The following NRXN3 variants were observed in gnomAD, a reference collection of about 807,000 sequenced individuals.
NRXN3 encodes neurexin 3, also known as neurexin III.
A neutral mutation model predicts 137.6 loss-of-function variants in NRXN3; 32 were observed. The ratio of observed to expected loss-of-function variants is 0.23; its 90% CI spans 0.18 to 0.31. The LOEUF is 0.31. NRXN3 is among the 10% of genes least tolerant of loss of function. The pLI, the probability that NRXN3 is intolerant of heterozygous loss-of-function variation, is 1.00. For synonymous variants in NRXN3, 798 were observed against 784.5 expected (o/e 1.02, Z -0.29); for missense variants, 1,574 against 2,062.5 (o/e 0.76, Z 4.59).
intron 4 of NRXN3, among the ~76,000 whole-genome samples, chr14:78,489,311 T>C (rs897080650): frequency 1.3e-5 from 2 of 152,138 alleles, no homozygotes; most frequent in African/African-American, 4.8e-5. Context: ...CACGCCTCTG[T>C]GAGATATTAT....
At chr14:78,776,106 T>C (rs2153010428) in intron 8 of NRXN3, among the ~76,000 whole-genome samples, 1 of 152,346 alleles carries the variant, frequency 6.6e-6, no homozygotes, top group Non-Finnish European at 1.5e-5. Flanking sequence ...CAAGCCACTG[T>C]GTAAAATATA....
At chr14:79,220,182 GC>G (rs1242328091) in intron 15 of NRXN3, among the ~76,000 whole-genome samples, 1 of 152,106 alleles carries the variant, frequency 6.6e-6, no homozygotes, top group Non-Finnish European at 1.5e-5. Flanking sequence ...AAAGACTATT[GC>G]CTACATCAGA....
At chr14:79,716,067 C>T (rs937747142) in intron 19 of NRXN3, among the ~76,000 whole-genome samples, 1 of 152,178 alleles carries the variant, frequency 6.6e-6, no homozygotes, top group South Asian at 2.1e-4. Flanking sequence ...TATTATGACT[C>T]ATGACAAAGG....
At chr14:79,333,113 C>T (rs973995953) in intron 15 of NRXN3, among the ~76,000 whole-genome samples, 6 of 151,898 alleles carry the variant, frequency 4.0e-5, no homozygotes, top group Non-Finnish European at 5.9e-5. Flanking sequence ...GAAAGCATTT[C>T]TTTGGTAATT....
At chr14:78,983,044 A>T (rs1000953040) in intron 14 of NRXN3, among the ~76,000 whole-genome samples, 3 of 152,190 alleles carry the variant, frequency 2.0e-5, no homozygotes, top group African/African-American at 4.8e-5. Flanking sequence ...AATGCTCAAC[A>T]TCACTCATCT....
intron 4 of NRXN3, among the ~76,000 whole-genome samples, chr14:78,454,049 G>A (rs1229429933): frequency 1.3e-5 from 2 of 152,152 alleles, no homozygotes; most frequent in African/African-American, 4.8e-5. Flanking sequence ...AGATAATTAA[G>A]AGCTTATGTC....
intron 7 of NRXN3, among the ~76,000 whole-genome samples, chr14:78,711,432 CTCTTTT>C (rs1279579830): frequency 2.9e-5 from 3 of 103,190 alleles, no homozygotes; most frequent in Non-Finnish European, 3.6e-5. Flanking sequence ...TAATTCTTTT[CTCTTTT>C]TTTTTTTTTT....
At chr14:78,655,430 GA>G (rs1289305675) in intron 6 of NRXN3, among the ~76,000 whole-genome samples, 19 of 151,638 alleles carry the variant, frequency 1.3e-4, no homozygotes, top group South Asian at 2.1e-4. Flanking sequence ...TCATTGTCAG[GA>G]AAAAAAACCC....
intron 15 of NRXN3, among the ~76,000 whole-genome samples, chr14:79,089,926 C>T (rs1169535928): frequency 2.0e-5 from 3 of 152,094 alleles, no homozygotes; most frequent in African/African-American, 7.2e-5. Flanking sequence ...CAATCTGAAG[C>T]ATAAATAAAG....
intron 16 of NRXN3, among the ~76,000 whole-genome samples, chr14:79,507,882 C>G (rs146607322): frequency 3.6e-4 from 55 of 152,238 alleles, no homozygotes; most frequent in African/African-American, 1.3e-3. Context: ...TCTTTTGACT[C>G]TTTGCAAGAT....
chr14:79,140,835 C>A (rs918306760), intron 15 of NRXN3, among the ~76,000 whole-genome samples: 1 of 152,032 alleles, frequency 6.6e-6, no homozygotes, highest in Non-Finnish European at 1.5e-5. Context: ...TTATTACTAC[C>A]ACTTTTAGAA....
At chr14:78,627,208 G>A (rs1392918819) in intron 4 of NRXN3, among the ~76,000 whole-genome samples, 1 of 143,066 alleles carries the variant, frequency 7.0e-6, no homozygotes, top group Non-Finnish European at 1.5e-5. Flanking sequence ...TTCTTTCACT[G>A]TTTTTAATTG....
At chr14:78,545,983 A>T (rs565482536) in intron 4 of NRXN3, among the ~76,000 whole-genome samples, 58 of 152,298 alleles carry the variant, frequency 3.8e-4, no homozygotes, top group African/African-American at 1.4e-3. Flanking sequence ...CCTTCCTGTA[A>T]ATTATAATTT....
At chr14:79,214,510 T>A (rs1241720091) in intron 15 of NRXN3, among the ~76,000 whole-genome samples, 2 of 152,200 alleles carry the variant, frequency 1.3e-5, no homozygotes. Flanking sequence ...ATATTTGAGA[T>A]GATAGATAGG....
In NRXN3 at chr14:78,243,772, A is replaced by G. The variant is rs762908008; in HGVS notation, c.679A>G (p.Thr227Ala). ...DGHPTCDCST[T>A]GYGGKLCSED... ...CCACCCCACCTGTGACTGTTCTACC[A>G]CTGGCTATGGTGGCAAGCTCTGCTC... Residue 227 changes from threonine to alanine, a missense_variant, in exon 2 of 21, where the codon ACT becomes GCT. Thr to Ala is a moderately conservative substitution (Grantham distance 58). This residue lies in a region of NRXN3 where 400 missense variants were observed against 527.3 expected (regional missense o/e 0.76). Transcript: ENST00000335750. This position sits in a 1 kb window ranked among gnomAD's most constrained non-coding sequence, Gnocchi z 4.2. 118 of 1,592,812 alleles carry G rather than the reference A, an allele frequency of 7.4e-5. No individual in the cohort carries two copies. The highest frequency in any genetic ancestry group is 8.8e-5 in the Non-Finnish European group (104 of 1,176,794).
intron 16 of NRXN3, among the ~76,000 whole-genome samples, chr14:79,610,194 A>C (rs1188478847): frequency 6.6e-6 from 1 of 152,192 alleles, no homozygotes; most frequent in African/African-American, 2.4e-5. Context: ...TACTAAGAGG[A>C]AGGAAAAATC....
chr14:79,309,027 C>T (rs1255228988), intron 15 of NRXN3, among the ~76,000 whole-genome samples: 1 of 117,698 alleles, frequency 8.5e-6, no homozygotes, highest in Non-Finnish European at 1.7e-5. Flanking sequence ...GTGCGCTGCA[C>T]CCACTAACGT....
chr14:79,123,372 A>C (rs1249046200), intron 15 of NRXN3, among the ~76,000 whole-genome samples: 2 of 152,150 alleles, frequency 1.3e-5, no homozygotes, highest in African/African-American at 4.8e-5. Context: ...TCTCACATAG[A>C]GTTTAGAGCT....
chr14:78,938,766 G>A (rs2099346798), intron 10 of NRXN3, among the ~76,000 whole-genome samples: 1 of 151,882 alleles, frequency 6.6e-6, no homozygotes. Context: ...GCTGTAAGAG[G>A]AAGTCAGGAC....
Sources: allele counts gnomAD v4.1 joint callset (sites outside exome capture counted in the v4.1 genomes callset), GRCh38; gene constraint gnomAD v4.1.1; regional missense constraint gnomAD v4.1.1; non-coding constraint Gnocchi (gnomAD v3.1); transcripts MANE v1.5; gene names NCBI Gene and HGNC (gene_info 2026-07-23, HGNC 2026-07-21).